CASTOR2: variants seen among roughly 807,000 people sequenced by gnomAD.
CASTOR2 encodes cytosolic arginine sensor for mTORC1 subunit 2.
A neutral mutation model predicts 31.2 loss-of-function variants in CASTOR2; 8 were observed. The ratio of observed to expected loss-of-function variants is 0.26; its 90% CI spans 0.15 to 0.46. CASTOR2 has a LOEUF of 0.46. Among genes scored for constraint, CASTOR2 ranks in the 20% least tolerant of loss-of-function variants. The probability of loss-of-function intolerance (pLI) is 0.99; values close to 1 mark genes in which losing one functional copy is unlikely to be tolerated. For synonymous variants in CASTOR2, 162 were observed against 158.7 expected (o/e 1.02, Z -0.16); for missense variants, 216 against 382.1 (o/e 0.57, Z 3.62).
At chr7:75,016,809 T>C (rs1410647779) in intron 2 of CASTOR2, among the ~76,000 whole-genome samples, 3 of 152,204 alleles carry the variant, frequency 2.0e-5, no homozygotes, top group African/African-American at 7.2e-5. Context: ...GCCGGGGATG[T>C]CCTGTGTCAT....
intron 1 of CASTOR2, among the ~76,000 whole-genome samples, chr7:74,981,731 T>A (rs1803949597): frequency 6.6e-6 from 1 of 151,232 alleles, no homozygotes; most frequent in African/African-American, 2.4e-5. Flanking sequence ...CGGGCCTATT[T>A]TTTTTTTAAT....
At chr7:75,013,149 CGCT>C (rs1426384358) in intron 2 of CASTOR2, among the ~76,000 whole-genome samples, 12 of 152,312 alleles carry the variant, frequency 7.9e-5, no homozygotes, top group African/African-American at 2.6e-4. Flanking sequence ...AAACCTCCAG[CGCT>C]GCAAACATTG....
intron 1 of CASTOR2, among the ~76,000 whole-genome samples, chr7:75,001,837 G>A (rs1244387415): frequency 2.8e-4 from 42 of 152,238 alleles, no homozygotes; most frequent in African/African-American, 9.1e-4. Flanking sequence ...GGAAGCACTC[G>A]GCACTGTCAT....
intron 1 of CASTOR2, among the ~76,000 whole-genome samples, chr7:74,988,855 C>CTT (rs1423196185): frequency 0.095 from 13,233 of 139,652 alleles, 2,002 homozygotes; most frequent in African/African-American, 0.32. Flanking sequence ...CTGAGGCATG[C>CTT]TTTTTTTTTT....
rs1425154710 is a variant in CASTOR2, at chr7:75,017,671, C to A, written c.258C>A (p.Gly86=). The A allele has an allele frequency of 1.4e-5, 23 of 1,613,942 alleles. No individual in the cohort carries two copies. Residue 86 remains glycine (G), a synonymous_variant, in exon 3 of 9, where the codon GGC becomes GGA. Transcript: ENST00000616305. ...WLALNVVSGG[G]SFSSSQPIGV... is the part of the protein sequence containing the mutation. Reference sequence around the variant, plus strand: ...CCCTGAACGTGGTGTCCGGCGGTGGCAGCTTCTCCAGCTCCCAGCCCATCG... The same window carrying A: ...CCCTGAACGTGGTGTCCGGCGGTGGAAGCTTCTCCAGCTCCCAGCCCATCG...
At chr7:75,024,167 A>G (rs1805071092) in intron 7 of CASTOR2, among the ~76,000 whole-genome samples, 1 of 152,150 alleles carries the variant, frequency 6.6e-6, no homozygotes, top group African/African-American at 2.4e-5. Flanking sequence ...GTACACGCCT[A>G]TAATCCCAGC....
At chr7:75,018,719 G>A (rs1169393976) in intron 4 of CASTOR2, among the ~76,000 whole-genome samples, 4 of 152,380 alleles carry the variant, frequency 2.6e-5, no homozygotes, top group African/African-American at 4.8e-5. Flanking sequence ...AGGTAGGAAC[G>A]GAGCCAGGTG....
intron 1 of CASTOR2, among the ~76,000 whole-genome samples, chr7:74,994,081 C>T (rs1446237386): frequency 3.9e-5 from 6 of 152,158 alleles, no homozygotes; most frequent in South Asian, 4.1e-4. Context: ...TCAAGTTACC[C>T]GTGTCAGCCG....
intron 2 of CASTOR2, among the ~76,000 whole-genome samples, chr7:75,015,802 C>CA (rs1388512879): frequency 5.9e-5 from 9 of 152,116 alleles, no homozygotes; most frequent in African/African-American, 2.2e-4. Context: ...CGCGGTGGCT[C>CA]ACGATTGTAA....
intron 2 of CASTOR2, among the ~76,000 whole-genome samples, chr7:75,012,537 C>T (rs1456777040): frequency 6.6e-6 from 1 of 151,858 alleles, no homozygotes; most frequent in Non-Finnish European, 1.5e-5. Context: ...GAACTCCTGA[C>T]CTCAGATGAT....
At chr7:75,002,322 C>T (rs1345709363) in intron 1 of CASTOR2, among the ~76,000 whole-genome samples, 3 of 151,938 alleles carry the variant, frequency 2.0e-5, no homozygotes, top group Non-Finnish European at 4.4e-5. Context: ...TGCTGGGTAG[C>T]TGAAAGAACA....
At chr7:75,013,433 C>T (rs1554439656) in intron 2 of CASTOR2, among the ~76,000 whole-genome samples, 2 of 151,786 alleles carry the variant, frequency 1.3e-5, no homozygotes, top group Non-Finnish European at 2.9e-5. Flanking sequence ...TCGCTTGAGC[C>T]CAGGAGTTCA....
intron 2 of CASTOR2, among the ~76,000 whole-genome samples, chr7:75,009,563 C>T (rs1421984304): frequency 2.0e-5 from 3 of 151,974 alleles, no homozygotes; most frequent in Non-Finnish European, 4.4e-5. Flanking sequence ...CCACCGCGCC[C>T]GGCCCTGAGA....
intron 1 of CASTOR2, among the ~76,000 whole-genome samples, chr7:74,989,251 A>C (rs1249456456): frequency 1.5e-5 from 2 of 134,860 alleles, no homozygotes; most frequent in African/African-American, 2.8e-5. Flanking sequence ...GGCGTGAGCC[A>C]CCACGCCTGG....
intron 1 of CASTOR2, among the ~76,000 whole-genome samples, chr7:74,991,154 G>GGT (rs1209812250): frequency 4.6e-5 from 7 of 152,128 alleles, no homozygotes; most frequent in Non-Finnish European, 8.8e-5. Context: ...CGAGCTGGAA[G>GGT]GTGTGAGCAT....
At chr7:75,020,201 G>T in intron 6 of CASTOR2, 52 bp downstream of exon 6, 1 of 1,482,074 alleles carries the variant, frequency 6.7e-7, no homozygotes, top group Non-Finnish European at 9.2e-7. Flanking sequence ...CCCAGGGTCT[G>T]GGGGGACTAT....
intron 1 of CASTOR2, among the ~76,000 whole-genome samples, chr7:74,993,445 C>CTTTTTTT (rs1156811360): frequency 7.7e-5 from 6 of 77,628 alleles, no homozygotes; most frequent in Non-Finnish European, 7.5e-5. Context: ...CCTCCTTTGT[C>CTTTTTTT]TTTTTTTTTT....
chr7:74,996,298 G>A (rs1298015339), intron 1 of CASTOR2, among the ~76,000 whole-genome samples: 1 of 152,122 alleles, frequency 6.6e-6, no homozygotes, highest in Non-Finnish European at 1.5e-5. Context: ...GGGTTGGAGT[G>A]GTGGTGGCCG....
rs983842657 is a variant in CASTOR2, at chr7:75,023,733, C to T, written c.830-707C>T. Among the ~76,000 whole-genome samples, 257 of 152,236 alleles carry T rather than the reference C, an allele frequency of 1.7e-3. 4 individuals are homozygous for T. The highest frequency in any genetic ancestry group is 5.1e-3 in the African/African-American group (210 of 41,544). On this transcript the variant is annotated intron_variant, in intron 7 of 8. Coordinates refer to ENST00000616305, the MANE Select transcript of CASTOR2 (RefSeq NM_001145064.3). ...GGGATTACAGGCGTGAGCCACCACT[C>T]CCAGCCAAGGTGCCACACTTTTAAA...
Sources: allele counts gnomAD v4.1 joint callset (sites outside exome capture counted in the v4.1 genomes callset), GRCh38; gene constraint gnomAD v4.1.1; transcripts MANE v1.5; gene names NCBI Gene and HGNC (gene_info 2026-07-23, HGNC 2026-07-21).